TTC23: variants seen among roughly 807,000 people sequenced by gnomAD.
The protein encoded by TTC23 is tetratricopeptide repeat protein 23.
In TTC23, 58 loss-of-function variants were observed where a neutral mutation model predicts 55.1. The observed-to-expected ratio is 1.05, with a 90% CI of 0.85 to 1.31. TTC23 has a LOEUF of 1.31. Ranked by LOEUF, TTC23 falls within the 50% of genes most tolerant of loss-of-function variation. TTC23 has a pLI of 0.00. For synonymous variants in TTC23, 203 were observed against 199.9 expected (o/e 1.02, Z -0.13); for missense variants, 516 against 534.4 (o/e 0.97, Z 0.34).
At chr15:99,200,860 A>C (rs915095343) in intron 8 of TTC23, among the ~76,000 whole-genome samples, 31 of 152,368 alleles carry the variant, frequency 2.0e-4, no homozygotes, top group Admixed American at 1.7e-3. Context: ...AGGTTACAGT[A>C]AGTACATCTA....
chr15:99,228,185 G>C (rs1340422241), intron 5 of TTC23, among the ~76,000 whole-genome samples: 1 of 152,218 alleles, frequency 6.6e-6, no homozygotes, highest in East Asian at 1.9e-4. Context: ...TAAAACTTTT[G>C]AGGAAAGAAT....
intron 12 of TTC23, chr15:99,151,413 G>A (rs2069723611): frequency 6.6e-6 from 1 of 152,264 alleles, no homozygotes; most frequent in African/African-American, 2.4e-5. Flanking sequence ...CACAGGGACA[G>A]AAAGTAAAAC....
In TTC23 at chr15:99,141,826, G is replaced by A. The variant is rs953297352; in HGVS notation, c.1144-2427C>T. On this transcript the variant is annotated intron_variant, in intron 12 of 13. Transcript: ENST00000394132. ...TAACTATCAGATGAGAATATGACAG[G>A]ATTTTTTAAATAACAGAAAATATTC... is the stretch of plus-strand genomic sequence containing the variant. 9.9e-5 allele frequency among the ~76,000 whole-genome samples: 15 copies of A among 152,236 alleles called. No individual in the cohort carries two copies. In the South Asian group the frequency reaches 2.9e-3, roughly 29 times the overall value.
intron 9 of TTC23, among the ~76,000 whole-genome samples, chr15:99,177,241 T>C (rs2073666305): frequency 6.6e-6 from 1 of 152,238 alleles, no homozygotes; most frequent in South Asian, 2.1e-4. Context: ...TATTGCTGCA[T>C]TAGAATAGTC....
intron 9 of TTC23, among the ~76,000 whole-genome samples, chr15:99,177,745 T>C (rs2151938150): frequency 6.6e-6 from 1 of 152,332 alleles, no homozygotes; most frequent in Non-Finnish European, 1.5e-5. Context: ...TATTATAAAT[T>C]CAAGAAAATG....
intron 4 of TTC23, 48 bp from the exon 5 acceptor site, chr15:99,228,780 T>C: frequency 2.1e-6 from 3 of 1,399,472 alleles, no homozygotes; most frequent in Non-Finnish European, 2.9e-6. Flanking sequence ...ATTTCCATAG[T>C]TACTTTTAGA....
chr15:99,233,032 C>A (rs2079051880), intron 4 of TTC23, among the ~76,000 whole-genome samples: 1 of 152,106 alleles, frequency 6.6e-6, no homozygotes, highest in Non-Finnish European at 1.5e-5. Flanking sequence ...AATAGCCAGG[C>A]ACAGAAAGAC....
At chr15:99,180,169 T>C (rs1411542605) in intron 9 of TTC23, among the ~76,000 whole-genome samples, 1 of 152,178 alleles carries the variant, frequency 6.6e-6, no homozygotes, top group Admixed American at 6.5e-5. Context: ...AGGGCTTGCA[T>C]TTCCCCTCAT....
intron 8 of TTC23, among the ~76,000 whole-genome samples, chr15:99,210,601 G>A (rs190417474): frequency 4.4e-4 from 67 of 152,306 alleles, no homozygotes; most frequent in African/African-American, 1.6e-3. Flanking sequence ...GAACATGTGA[G>A]CATCTGTAAG....
At chr15:99,161,384 G>C (rs911379345) in intron 11 of TTC23, among the ~76,000 whole-genome samples, 1 of 152,090 alleles carries the variant, frequency 6.6e-6, no homozygotes, top group Non-Finnish European at 1.5e-5. Context: ...GTTTTCCTTA[G>C]ACATGCAAAC....
At position 99,218,921 on chromosome 15, in the gene TTC23, G is replaced by A; in HGVS notation, c.432C>T (p.Gly144=). 1 of 1,614,062 alleles carries A rather than the reference G, an allele frequency of 6.2e-7. No homozygotes were observed. The highest frequency in any genetic ancestry group is 1.3e-5 in the African/African-American group (1 of 75,054). ...KFSIELFHTM[G]RALLSLQKFK... ...ACTTTTGAAGGGAGAGTAAAGCTCT[G>A]CCCATGGTATGGAAAAGCTCAATGG... The change falls in exon 7 of 14, where the codon GGC becomes GGT. Residue 144 remains glycine, a synonymous_variant. Transcript: ENST00000394132.
intron 8 of TTC23, among the ~76,000 whole-genome samples, chr15:99,206,164 T>C (rs2076610863): frequency 6.6e-6 from 1 of 152,220 alleles, no homozygotes; most frequent in Admixed American, 6.5e-5. Flanking sequence ...CTTGCATCCC[T>C]GGGATGAATT....
intron 5 of TTC23, 29 bp from the exon 6 acceptor site, chr15:99,221,893 G>C: frequency 6.2e-7 from 1 of 1,611,132 alleles, no homozygotes; most frequent in Non-Finnish European, 8.5e-7. Context: ...AGGCTTACCA[G>C]TTATACAACT....
At chr15:99,170,386 A>G (rs576543344) in intron 10 of TTC23, among the ~76,000 whole-genome samples, 1 of 152,294 alleles carries the variant, frequency 6.6e-6, no homozygotes, top group Admixed American at 6.5e-5. Flanking sequence ...AATTTTTCTC[A>G]TTAATAATTA....
chr15:99,219,996 T>A (rs1201544851), intron 6 of TTC23, among the ~76,000 whole-genome samples: 3 of 144,006 alleles, frequency 2.1e-5, no homozygotes, highest in Non-Finnish European at 4.7e-5. Flanking sequence ...TACATATTTT[T>A]AAAAAGCACA....
At chr15:99,180,342 A>AT (rs1444701731) in intron 9 of TTC23, among the ~76,000 whole-genome samples, 1 of 151,898 alleles carries the variant, frequency 6.6e-6, no homozygotes, top group Non-Finnish European at 1.5e-5. Context: ...AAGGTCATTA[A>AT]TTAAAAAAAA....
chr15:99,144,212 C>T (rs2068565779), intron 12 of TTC23, among the ~76,000 whole-genome samples: 1 of 152,082 alleles, frequency 6.6e-6, no homozygotes. Context: ...TCTAAGGAGC[C>T]CAGGAGCCAA....
intron 10 of TTC23, among the ~76,000 whole-genome samples, chr15:99,171,697 G>A (rs2072961167): frequency 6.6e-6 from 1 of 151,396 alleles, no homozygotes; most frequent in African/African-American, 2.4e-5. Context: ...CGAGTAGCTG[G>A]GACTACAGGT....
At chr15:99,218,104 T>G (rs777578659) in intron 8 of TTC23, among the ~76,000 whole-genome samples, 1 of 152,258 alleles carries the variant, frequency 6.6e-6, no homozygotes, top group Non-Finnish European at 1.5e-5. Context: ...CAACCTTCTC[T>G]TCGTGTCTCT....
Sources: allele counts gnomAD v4.1 joint callset (sites outside exome capture counted in the v4.1 genomes callset), GRCh38; gene constraint gnomAD v4.1.1; transcripts MANE v1.5; gene names NCBI Gene and HGNC (gene_info 2026-07-23, HGNC 2026-07-21).